The following MTMR12 variants were observed in gnomAD, a reference collection of about 807,000 sequenced individuals.
MTMR12 encodes myotubularin-related protein 12.
In MTMR12, 33 loss-of-function variants were observed where a neutral mutation model predicts 96.7. That is an observed-to-expected ratio of 0.34 (90% confidence interval 0.26 to 0.46). The LOEUF (loss-of-function observed/expected upper bound fraction) is 0.46. MTMR12 is among the 20% of genes least tolerant of loss of function. The pLI, the probability that MTMR12 is intolerant of heterozygous loss-of-function variation, is 1.00. For synonymous variants in MTMR12, 298 were observed against 327.2 expected (o/e 0.91, Z 0.96); for missense variants, 721 against 896.1 (o/e 0.80, Z 2.49).
intron 1 of MTMR12, among the ~76,000 whole-genome samples, chr5:32,294,072 C>T (rs555265675): frequency 3.3e-5 from 5 of 152,274 alleles, no homozygotes; most frequent in South Asian, 2.1e-4. Flanking sequence ...CGCATGCTCC[C>T]GACTGCCAGT....
At chr5:32,292,610 G>A (rs1194089353) in intron 1 of MTMR12, among the ~76,000 whole-genome samples, 4 of 152,186 alleles carry the variant, frequency 2.6e-5, no homozygotes, top group African/African-American at 9.7e-5. Context: ...GGAAGAGTAT[G>A]CATGGAATAC....
intron 1 of MTMR12, among the ~76,000 whole-genome samples, chr5:32,298,393 G>C (rs1391521587): frequency 6.6e-6 from 1 of 152,180 alleles, no homozygotes; most frequent in African/African-American, 2.4e-5. Context: ...TGAAAGGAGA[G>C]AGAAGCCAAG....
intron 1 of MTMR12, among the ~76,000 whole-genome samples, chr5:32,287,660 G>A (rs760779931): frequency 1.3e-5 from 2 of 152,154 alleles, no homozygotes; most frequent in African/African-American, 4.8e-5. Context: ...TTCATTTGTC[G>A]TGGGGTTTCT....
chr5:32,273,975 C>A lies in MTMR12; in HGVS notation c.285+5G>T, dbSNP rs777168891. The A allele has an allele frequency of 6.2e-7, 1 of 1,613,926 alleles. No homozygotes were observed. The highest frequency in any genetic ancestry group is 1.3e-5 in the African/African-American group (1 of 74,918). On this transcript the variant is annotated splice_donor_5th_base_variant and intron_variant, in intron 3 of 15. Transcript: ENST00000382142. ...CAAACTCTGCCAAATGCAGCCCATA[C>A]ATACATCATTATCCAATGCAGATTC...
intron 10 of MTMR12, among the ~76,000 whole-genome samples, chr5:32,244,366 C>T (rs867279331): frequency 6.0e-5 from 9 of 150,760 alleles, no homozygotes; most frequent in Admixed American, 1.3e-4. Context: ...GAGGTGGGCG[C>T]GTCACCTGAG....
intron 13 of MTMR12, among the ~76,000 whole-genome samples, chr5:32,236,477 G>T (rs1378454830): frequency 6.6e-6 from 1 of 152,166 alleles, no homozygotes; most frequent in Non-Finnish European, 1.5e-5. Flanking sequence ...AGCCCAGGGG[G>T]TTGAAACTGC....
intron 8 of MTMR12, among the ~76,000 whole-genome samples, chr5:32,251,914 C>T (rs1748942205): frequency 6.6e-6 from 1 of 152,086 alleles, no homozygotes; most frequent in African/African-American, 2.4e-5. Context: ...AAGGTCGTCA[C>T]TGGGAGTCAA....
chr5:32,306,599 TCTTGA>T (rs1751376304), intron 1 of MTMR12, among the ~76,000 whole-genome samples: 1 of 152,216 alleles, frequency 6.6e-6, no homozygotes, highest in African/African-American at 2.4e-5. Flanking sequence ...TCTTCATCTC[TCTTGA>T]CTTTTCTTCC....
At chr5:32,279,482 G>A (rs1021126342) in intron 1 of MTMR12, among the ~76,000 whole-genome samples, 9 of 151,908 alleles carry the variant, frequency 5.9e-5, no homozygotes, top group South Asian at 4.1e-4. Context: ...TACATTCTTC[G>A]CTGCTATGTA....
chr5:32,273,481 A>C (rs1196711669), intron 3 of MTMR12, among the ~76,000 whole-genome samples: 1 of 152,222 alleles, frequency 6.6e-6, no homozygotes. Context: ...GGGTTTAAGG[A>C]AGAGCTTAGT....
At chr5:32,242,236 T>A in intron 11 of MTMR12, 109 bp from the exon 12 acceptor site, 1 of 603,540 alleles carries the variant, frequency 1.7e-6, no homozygotes. Flanking sequence ...TCTCTCTTAT[T>A]TTTTTTTTTT....
In MTMR12 at chr5:32,233,691, G is replaced by C; in HGVS notation, c.1674+82C>G. The C allele has an allele frequency of 6.3e-7, 1 of 1,579,772 alleles. No individual in the cohort carries two copies. Among genetic ancestry groups the C allele is most frequent in the Non-Finnish European group, 8.7e-7 (1 of 1,155,442 alleles). On this transcript the variant is annotated intron_variant, in intron 15 of 15. Coordinates refer to ENST00000382142, the MANE Select transcript of MTMR12 (RefSeq NM_001040446.3). This position sits in a 1 kb window ranked among gnomAD's most constrained non-coding sequence, Gnocchi z 5.0. ...CTTCGAGGGGTAGAAAATGCTGGCA[G>C]ACAGAATCCGTAAGTACCTTTTATC...
chr5:32,228,817 A>G lies in MTMR12; in HGVS notation c.*961T>C, dbSNP rs1747874927. Reference sequence around the variant, plus strand: ...AAGTGACCCAATCCCATCAGTCCATAAAGGTAAAAGAATGTGAGGAACTCG... The same window carrying G: ...AAGTGACCCAATCCCATCAGTCCATGAAGGTAAAAGAATGTGAGGAACTCG... On this transcript the variant is annotated 3_prime_UTR_variant, in exon 16 of 16. Coordinates refer to ENST00000382142, the MANE Select transcript of MTMR12 (RefSeq NM_001040446.3). The G allele has an allele frequency of 6.6e-6, 1 of 151,746 alleles. No individual in the cohort carries two copies. Among genetic ancestry groups the G allele is most frequent in the Non-Finnish European group, 1.5e-5 (1 of 67,932 alleles). The allele number at this position is 151,746 out of a possible 1,614,324, so 9.4% of individuals were successfully genotyped here.
At chr5:32,299,976 G>A (rs1360132329) in intron 1 of MTMR12, among the ~76,000 whole-genome samples, 1 of 152,092 alleles carries the variant, frequency 6.6e-6, no homozygotes, top group African/African-American at 2.4e-5. Context: ...GCTGCCTTGG[G>A]TTCTGCAGTG....
intron 1 of MTMR12, among the ~76,000 whole-genome samples, chr5:32,289,859 G>A (rs1230220901): frequency 1.3e-5 from 2 of 152,162 alleles, no homozygotes; most frequent in African/African-American, 2.4e-5. Flanking sequence ...ATAGTAAATC[G>A]AAAACAGTAT....
At chr5:32,235,274 C>T in intron 13 of MTMR12, 145 bp from the exon 14 acceptor site, 1 of 654,288 alleles carries the variant, frequency 1.5e-6, no homozygotes, top group Non-Finnish European at 2.5e-6. Context: ...CCATACCATC[C>T]CAAGTGAGAA....
chr5:32,239,782 T>G (rs930272598), intron 12 of MTMR12, among the ~76,000 whole-genome samples: 2 of 152,252 alleles, frequency 1.3e-5, no homozygotes, highest in East Asian at 3.8e-4. Flanking sequence ...CTTTTCTGTT[T>G]GAGGGGCACA....
intron 9 of MTMR12, 134 bp from the exon 10 acceptor site, chr5:32,248,260 T>G: frequency 3.1e-6 from 3 of 973,054 alleles, no homozygotes; most frequent in Non-Finnish European, 1.5e-6. Flanking sequence ...AGGCAATTGC[T>G]GCAGGACTCC....
At chr5:32,249,173 G>T (rs1748813576) in intron 8 of MTMR12, among the ~76,000 whole-genome samples, 11 of 152,134 alleles carry the variant, frequency 7.2e-5, no homozygotes, top group Admixed American at 7.2e-4. Context: ...TTATTATTAG[G>T]ATAGTAGCTA....
Sources: allele counts gnomAD v4.1 joint callset (sites outside exome capture counted in the v4.1 genomes callset), GRCh38; gene constraint gnomAD v4.1.1; non-coding constraint Gnocchi (gnomAD v3.1); transcripts MANE v1.5; gene names NCBI Gene and HGNC (gene_info 2026-07-23, HGNC 2026-07-21).